KIAA0825: variants seen among roughly 807,000 people sequenced by gnomAD.
The protein encoded by KIAA0825 is uncharacterized protein KIAA0825.
A neutral mutation model predicts 147.6 loss-of-function variants in KIAA0825; 119 were observed. The ratio of observed to expected loss-of-function variants is 0.81; its 90% CI spans 0.69 to 0.94. The LOEUF (loss-of-function observed/expected upper bound fraction) is 0.94. Among genes scored for constraint, KIAA0825 ranks in the 40% least tolerant of loss-of-function variants. KIAA0825 has a pLI of 0.00. For synonymous variants in KIAA0825, 470 were observed against 518.1 expected (o/e 0.91, Z 1.26); for missense variants, 1,381 against 1,472.7 (o/e 0.94, Z 1.02).
At chr5:94,340,785 G>GT (rs1782292056) in intron 20 of KIAA0825, among the ~76,000 whole-genome samples, 1 of 152,178 alleles carries the variant, frequency 6.6e-6, no homozygotes, top group Non-Finnish European at 1.5e-5. Context: ...TGAGCTCCTT[G>GT]ATGGAGTCAG....
chr5:94,463,689 G>C (rs1232264468), intron 11 of KIAA0825, among the ~76,000 whole-genome samples: 1 of 149,872 alleles, frequency 6.7e-6, no homozygotes, highest in Non-Finnish European at 1.5e-5. Context: ...GCATTGCATG[G>C]CATTTTTATG....
intron 16 of KIAA0825, among the ~76,000 whole-genome samples, chr5:94,402,888 T>C (rs1340128158): frequency 6.6e-6 from 1 of 152,026 alleles, no homozygotes; most frequent in Non-Finnish European, 1.5e-5. Context: ...AGGAATCTTG[T>C]GAAATTCTGG....
At chr5:94,460,361 C>G (rs758432692) in intron 12 of KIAA0825, among the ~76,000 whole-genome samples, 5 of 152,048 alleles carry the variant, frequency 3.3e-5, no homozygotes, top group Non-Finnish European at 7.4e-5. Flanking sequence ...TTTTTGCAAA[C>G]AGGTTTCATT....
At chr5:94,459,180 T>C (rs1759506408) in intron 12 of KIAA0825, among the ~76,000 whole-genome samples, 1 of 152,194 alleles carries the variant, frequency 6.6e-6, no homozygotes, top group African/African-American at 2.4e-5. Context: ...TGAATAATAT[T>C]CCACTGTATG....
At chr5:94,446,463 G>A (rs1336654477) in intron 13 of KIAA0825, among the ~76,000 whole-genome samples, 1 of 152,184 alleles carries the variant, frequency 6.6e-6, no homozygotes, top group Admixed American at 6.6e-5. Flanking sequence ...CCCTGCAGAA[G>A]TCACATTTGA....
chr5:94,573,808 A>G (rs1780433225), intron 2 of KIAA0825, among the ~76,000 whole-genome samples: 1 of 152,114 alleles, frequency 6.6e-6, no homozygotes, highest in Non-Finnish European at 1.5e-5. Flanking sequence ...GGGGTAAAAT[A>G]TTTTGCTTTT....
At chr5:94,529,305 GTATA>G (rs1423353764) in intron 3 of KIAA0825, among the ~76,000 whole-genome samples, 9 of 140,452 alleles carry the variant, frequency 6.4e-5, no homozygotes, top group South Asian at 2.1e-4. Flanking sequence ...TCATATATAT[GTATA>G]TATCATATAT....
At chr5:94,417,445 A>G (rs978339723) in intron 14 of KIAA0825, 80 bp from the exon 15 acceptor site, 2 of 1,113,996 alleles carry the variant, frequency 1.8e-6, no homozygotes, top group African/African-American at 3.1e-5. Context: ...TACTATGTAC[A>G]CTAGCATAAT....
chr5:94,523,727 AT>A (rs1768686185), intron 4 of KIAA0825, among the ~76,000 whole-genome samples: 2 of 151,528 alleles, frequency 1.3e-5, no homozygotes, highest in South Asian at 4.1e-4. Flanking sequence ...ATAAAATTTT[AT>A]TTTATTGATA....
intron 1 of KIAA0825, among the ~76,000 whole-genome samples, chr5:94,592,149 C>T (rs939580093): frequency 6.6e-6 from 1 of 152,200 alleles, no homozygotes; most frequent in Non-Finnish European, 1.5e-5. Flanking sequence ...TAACTCATTT[C>T]AGCATTAACT....
intron 2 of KIAA0825, among the ~76,000 whole-genome samples, chr5:94,553,245 C>T (rs1584870034): frequency 6.6e-6 from 1 of 151,874 alleles, no homozygotes; most frequent in South Asian, 2.1e-4. Flanking sequence ...TCAAGACCAG[C>T]CTAACCAACA....
At chr5:94,356,106 T>C (rs1041479817) in intron 20 of KIAA0825, among the ~76,000 whole-genome samples, 1 of 152,184 alleles carries the variant, frequency 6.6e-6, no homozygotes, top group African/African-American at 2.4e-5. Flanking sequence ...TAATTTATCA[T>C]TGCATCATGC....
intron 5 of KIAA0825, among the ~76,000 whole-genome samples, chr5:94,488,572 A>T (rs1288927188): frequency 6.6e-6 from 1 of 152,100 alleles, no homozygotes; most frequent in African/African-American, 2.4e-5. Context: ...TATAATTTTA[A>T]TAAGAATTTT....
At chr5:94,375,997 C>T (rs551934146) in intron 20 of KIAA0825, among the ~76,000 whole-genome samples, 8 of 152,312 alleles carry the variant, frequency 5.3e-5, no homozygotes, top group African/African-American at 1.9e-4. Context: ...TGATTAAGAA[C>T]ATGGCCTCGA....
At chr5:94,394,784 G>A (rs29924) in intron 17 of KIAA0825, among the ~76,000 whole-genome samples, 39,709 of 151,958 alleles carry the variant, frequency 0.26, 6,010 homozygotes, top group African/African-American at 0.42. Flanking sequence ...GTAAATTAGT[G>A]TTGAATGCAA....
chr5:94,429,157 C>A (rs1026803506), intron 14 of KIAA0825, among the ~76,000 whole-genome samples: 1 of 152,140 alleles, frequency 6.6e-6, no homozygotes, highest in Non-Finnish European at 1.5e-5. Context: ...AGTGTCCTTG[C>A]AATCCATGCT....
intron 5 of KIAA0825, 162 bp downstream of exon 5, chr5:94,520,086 T>C (rs986293012): frequency 8.7e-7 from 1 of 1,148,232 alleles, no homozygotes; most frequent in South Asian, 3.6e-5. Context: ...ACTACAATTA[T>C]AGAAAAAAAT....
At chr5:94,226,946 G>A (rs1317148412) in intron 20 of KIAA0825, among the ~76,000 whole-genome samples, 1 of 152,192 alleles carries the variant, frequency 6.6e-6, no homozygotes, top group East Asian at 1.9e-4. Flanking sequence ...TACATTGTTG[G>A]TGGGACTGTA....
At chr5:94,510,789 G>C (rs796485340) in intron 5 of KIAA0825, among the ~76,000 whole-genome samples, 8 of 152,320 alleles carry the variant, frequency 5.3e-5, no homozygotes, top group African/African-American at 1.9e-4. Context: ...GCATGCAGAG[G>C]AATGATTGGT....
Sources: allele counts gnomAD v4.1 joint callset (sites outside exome capture counted in the v4.1 genomes callset), GRCh38; gene constraint gnomAD v4.1.1; transcripts MANE v1.5; gene names NCBI Gene and HGNC (gene_info 2026-07-23, HGNC 2026-07-21).